TRAPPC13: variants seen among roughly 807,000 people sequenced by gnomAD.
TRAPPC13 encodes REV7-interacting novel NHEJ regulator 1.
In TRAPPC13, 39 loss-of-function variants were observed where a neutral mutation model predicts 54.0. The ratio of observed to expected loss-of-function variants is 0.72; its 90% CI spans 0.56 to 0.94. The LOEUF (loss-of-function observed/expected upper bound fraction) is 0.94. Among genes scored for constraint, TRAPPC13 ranks in the 40% least tolerant of loss-of-function variants. The pLI is 0.00. For missense variants in TRAPPC13, 386 were observed against 488.1 expected (o/e 0.79, Z 1.97); for synonymous variants, 148 against 167.7 (o/e 0.88, Z 0.91).
At chr5:65,634,167 A>G (rs1755658169) in intron 1 of TRAPPC13, among the ~76,000 whole-genome samples, 1 of 147,544 alleles carries the variant, frequency 6.8e-6, no homozygotes, top group South Asian at 2.1e-4. Flanking sequence ...TTGTATTTTT[A>G]GTAGAGACGG....
intron 1 of TRAPPC13, chr5:65,630,048 A>G (rs1323680833): frequency 9.8e-6 from 15 of 1,536,106 alleles, no homozygotes; most frequent in Non-Finnish European, 1.2e-5. Context: ...AAATTGCAAG[A>G]TAGTTTAAAG....
At chr5:65,661,079 A>C (rs991045083) in intron 10 of TRAPPC13, 182 bp downstream of exon 10, 2 of 490,022 alleles carry the variant, frequency 4.1e-6, no homozygotes, top group African/African-American at 2.0e-5. Context: ...GTTGCCATGA[A>C]TGAAAAATGG....
chr5:65,646,860 G>T (rs536535119), intron 4 of TRAPPC13, among the ~76,000 whole-genome samples, 195 bp from the exon 5 acceptor site: 1 of 151,478 alleles, frequency 6.6e-6, no homozygotes, highest in Admixed American at 6.6e-5. Context: ...TTTTTTTGGG[G>T]TTGGGGGGGT....
chr5:65,665,201 G>A lies in TRAPPC13; in HGVS notation c.*590G>A, dbSNP rs886634226. On this transcript the variant is annotated 3_prime_UTR_variant, in exon 13 of 13. Coordinates refer to ENST00000399438, the MANE Select transcript of TRAPPC13 (RefSeq NM_024941.4). Reference sequence around the variant, plus strand: ...AGTGAGACTCTGTCTCAAAAAAAAAGAGGCAGCTGGGCAGATTTGGCCTGC... The same window carrying A: ...AGTGAGACTCTGTCTCAAAAAAAAAAAGGCAGCTGGGCAGATTTGGCCTGC... 6.6e-6 allele frequency: 1 copy of A among 152,310 alleles called. No homozygotes were observed. Among genetic ancestry groups the A allele is most frequent in the African/African-American group, 2.4e-5 (1 of 41,442 alleles). 9.4% of individuals were successfully genotyped at this position (152,310 alleles called of 1,614,324 possible). A position where few individuals can be genotyped will look rare whatever the true frequency, so the allele number is the denominator to read the frequency against.
intron 4 of TRAPPC13, among the ~76,000 whole-genome samples, chr5:65,640,060 G>A (rs150584522): frequency 1.4e-3 from 210 of 152,276 alleles, no homozygotes; most frequent in African/African-American, 4.7e-3. Flanking sequence ...GTGCATACAC[G>A]TACATATGTT....
rs1197710895 is a variant in TRAPPC13 at position 65,643,623 on chromosome 5, C to T, written c.301-3432C>T. On this transcript the variant is annotated intron_variant, in intron 4 of 12. Transcript: ENST00000399438. Reference sequence around the variant, plus strand: ...CACAAGGTCAGGAGATCAAGACCATCCTGGCTAACACGGTGAAACCCTGTG... The same window carrying T: ...CACAAGGTCAGGAGATCAAGACCATTCTGGCTAACACGGTGAAACCCTGTG... Among the ~76,000 whole-genome samples the T allele has an allele frequency of 5.3e-5, 8 of 151,808 alleles. 1 individual carries two copies. Among genetic ancestry groups the T allele is most frequent in the Admixed American group, 4.6e-4 (7 of 15,246 alleles).
chr5:65,644,825 G>A (rs1280245284), intron 4 of TRAPPC13, among the ~76,000 whole-genome samples: 3 of 149,700 alleles, frequency 2.0e-5, no homozygotes, highest in African/African-American at 4.9e-5. Context: ...AGGTTGCAGT[G>A]AGCCAAGATG....
chr5:65,636,366 T>A (rs1450671494), intron 3 of TRAPPC13, among the ~76,000 whole-genome samples: 1 of 152,062 alleles, frequency 6.6e-6, no homozygotes, highest in Admixed American at 6.6e-5. Flanking sequence ...GACCTTGAAC[T>A]CCTGACATCA....
At position 65,653,094 on chromosome 5, in the gene TRAPPC13, T is replaced by C. The variant is rs1181687945; in HGVS notation, c.546+549T>C. On this transcript the variant is annotated intron_variant, in intron 7 of 12. Transcript: ENST00000399438. ...GTAACTTATAATAGAAGATACTCTA[T>C]CTTTTACCCTAAAAAAAAAGAGATA... Among the ~76,000 whole-genome samples the C allele has an allele frequency of 4.0e-5, 3 of 75,764 alleles. No individual in the cohort carries two copies. In the East Asian group the frequency reaches 8.9e-4, roughly 22 times the overall value. 49.7% of individuals were successfully genotyped at this position (75,764 alleles called of 152,430 possible).
rs1756981754 is a variant in TRAPPC13, at chr5:65,664,863, T to A, written c.*252T>A. On this transcript the variant is annotated 3_prime_UTR_variant, in exon 13 of 13. Coordinates refer to ENST00000399438, the MANE Select transcript of TRAPPC13 (RefSeq NM_024941.4). The stretch of plus-strand genomic sequence containing the variant: ...TTTCATTTTAGATGACCATTGGACT[T>A]TGTTCTCCAAAAGCTGTGTATCTGA... 2.2e-6 allele frequency: 1 copy of A among 456,724 alleles called. No individual in the cohort carries two copies. The highest frequency in any genetic ancestry group is 3.9e-6 in the Non-Finnish European group (1 of 258,136). 28.3% of individuals were successfully genotyped at this position (456,724 alleles called of 1,614,324 possible).
intron 4 of TRAPPC13, among the ~76,000 whole-genome samples, chr5:65,639,324 T>C (rs999610144): frequency 6.6e-6 from 1 of 151,800 alleles, no homozygotes; most frequent in Non-Finnish European, 1.5e-5. Context: ...TAACCTTTTT[T>C]GAAAAATTAT....
chr5:65,640,169 T>G (rs1216030281), intron 4 of TRAPPC13, among the ~76,000 whole-genome samples: 2 of 152,222 alleles, frequency 1.3e-5, no homozygotes, highest in Non-Finnish European at 2.9e-5. Flanking sequence ...TTTATAAGGC[T>G]TTTGAACTAA....
intron 4 of TRAPPC13, among the ~76,000 whole-genome samples, chr5:65,645,126 A>G (rs958124316): frequency 7.1e-6 from 1 of 141,494 alleles, no homozygotes; most frequent in Admixed American, 7.5e-5. Flanking sequence ...TGAACCTGGT[A>G]GGCAGAGGTT....
chr5:65,648,731 A>G (rs976093317), intron 5 of TRAPPC13, among the ~76,000 whole-genome samples: 1 of 152,184 alleles, frequency 6.6e-6, no homozygotes, highest in Non-Finnish European at 1.5e-5. Context: ...ATTACCTGCT[A>G]ATGTTACCAC....
At chr5:65,625,132 C>G in intron 1 of TRAPPC13, 26 bp downstream of exon 1, 1 of 1,602,480 alleles carries the variant, frequency 6.2e-7, no homozygotes, top group South Asian at 1.1e-5. Flanking sequence ...CCTGATTCCC[C>G]CTTTTCTGTT....
At chr5:65,629,199 CCAAGTCCTTTATAT>C (rs748224659) in intron 1 of TRAPPC13, among the ~76,000 whole-genome samples, 27 of 152,118 alleles carry the variant, frequency 1.8e-4, no homozygotes, top group Non-Finnish European at 3.5e-4. Flanking sequence ...ATCGATACTT[CCAAGTCCTTTATAT>C]CTATTGAGTT....
intron 6 of TRAPPC13, among the ~76,000 whole-genome samples, chr5:65,652,036 G>A (rs1581227260): frequency 6.6e-6 from 1 of 151,638 alleles, no homozygotes; most frequent in East Asian, 1.9e-4. Context: ...GTTAATTTTT[G>A]TATTTTTAGT....
At chr5:65,633,959 T>C (rs1168517395) in intron 1 of TRAPPC13, among the ~76,000 whole-genome samples, 7 of 150,480 alleles carry the variant, frequency 4.7e-5, no homozygotes, top group Admixed American at 4.0e-4. Flanking sequence ...GGTTGTTTTT[T>C]AAAATATCTC....
At chr5:65,639,305 G>C (rs993904019) in intron 4 of TRAPPC13, among the ~76,000 whole-genome samples, 11 of 151,846 alleles carry the variant, frequency 7.2e-5, no homozygotes, top group Non-Finnish European at 1.5e-4. Flanking sequence ...GCCAGGCTAA[G>C]GTTTTATTTA....
Sources: allele counts gnomAD v4.1 joint callset (sites outside exome capture counted in the v4.1 genomes callset), GRCh38; gene constraint gnomAD v4.1.1; transcripts MANE v1.5; gene names NCBI Gene and HGNC (gene_info 2026-07-23, HGNC 2026-07-21).